DGKB: variants seen among roughly 807,000 people sequenced by gnomAD.
DGKB encodes 90 kDa diacylglycerol kinase.
Under a neutral mutation model 114.3 loss-of-function variants are expected in DGKB, and 67 were observed. That is an observed-to-expected ratio of 0.59 (90% CI 0.48 to 0.72). The LOEUF is 0.72. Among genes scored for constraint, DGKB ranks in the 30% least tolerant of loss-of-function variants. The pLI, the probability that DGKB is intolerant of heterozygous loss-of-function variation, is 0.00. For synonymous variants in DGKB, 398 were observed against 323.1 expected, an observed-to-expected ratio of 1.23 and a Z score of -2.49; for missense variants, 907 against 975.2, an observed-to-expected ratio of 0.93 and a Z score of 0.93.
intron 2 of DGKB, among the ~76,000 whole-genome samples, chr7:14,764,760 G>GA (rs142976961): frequency 0.061 from 8,937 of 146,208 alleles, 374 homozygotes; most frequent in Admixed American, 0.11. Flanking sequence ...TTTTAGGGAA[G>GA]AAAAAAAAAA....
chr7:14,279,298 C>CG (rs903515397), intron 23 of DGKB, among the ~76,000 whole-genome samples: 1 of 152,212 alleles, frequency 6.6e-6, no homozygotes, highest in Non-Finnish European at 1.5e-5. Context: ...GGCAGCCAGG[C>CG]GGGGGGAGGG....
chr7:14,809,924 T>C (rs1244746506), intron 2 of DGKB, among the ~76,000 whole-genome samples: 5 of 152,190 alleles, frequency 3.3e-5, no homozygotes. Flanking sequence ...AAAAATATAT[T>C]TCTGTTGATT....
chr7:14,753,783 C>T lies in DGKB; in HGVS notation c.168+145G>A, dbSNP rs560616703. The stretch of plus-strand genomic sequence containing the variant: ...TTTGTCACATCCAGCTTAGTTATAA[C>T]CTATGAGTATTATAGGCAACCTTGT... On this transcript the variant is annotated intron_variant, in intron 4 of 25. Coordinates refer to ENST00000402815, the MANE Select transcript of DGKB (RefSeq NM_001350709.2). The T allele has an allele frequency of 1.7e-4, 106 of 627,104 alleles. 3 individuals are homozygous for T. Among genetic ancestry groups the T allele is most frequent in the South Asian group, 1.0e-3 (48 of 48,210 alleles). 38.8% of individuals were successfully genotyped at this position (627,104 alleles called of 1,614,324 possible).
At chr7:14,267,181 A>G (rs926796180) in intron 23 of DGKB, among the ~76,000 whole-genome samples, 16 of 152,238 alleles carry the variant, frequency 1.1e-4, no homozygotes, top group Non-Finnish European at 1.8e-4. Context: ...AACAGAAGAC[A>G]AATGCCAATT....
At chr7:14,686,676 A>G (rs1198338662) in intron 9 of DGKB, among the ~76,000 whole-genome samples, 2 of 152,186 alleles carry the variant, frequency 1.3e-5, no homozygotes, top group Non-Finnish European at 2.9e-5. Flanking sequence ...ATAAACCACC[A>G]GATTTGTAAT....
At chr7:14,821,927 G>C (rs1375513958) in intron 2 of DGKB, among the ~76,000 whole-genome samples, 3 of 152,100 alleles carry the variant, frequency 2.0e-5, no homozygotes, top group Non-Finnish European at 2.9e-5. Context: ...TTAGATAGTT[G>C]ACCTGCTGGT....
chr7:14,322,631 A>T (rs1386057196), intron 23 of DGKB, among the ~76,000 whole-genome samples: 2 of 152,308 alleles, frequency 1.3e-5, no homozygotes, highest in East Asian at 3.9e-4. Context: ...TAAAATTAAG[A>T]CATTCTGATG....
chr7:14,855,900 G>A (rs1850073575), intron 1 of DGKB, among the ~76,000 whole-genome samples: 1 of 151,672 alleles, frequency 6.6e-6, no homozygotes, highest in Admixed American at 6.6e-5. Flanking sequence ...TTAACATGAA[G>A]TATGTAGGAC....
chr7:14,451,114 T>C (rs1017669647), intron 21 of DGKB, among the ~76,000 whole-genome samples: 3 of 151,994 alleles, frequency 2.0e-5, no homozygotes, highest in African/African-American at 7.2e-5. Context: ...TTGTGACTAT[T>C]AATATTATAT....
intron 6 of DGKB, among the ~76,000 whole-genome samples, chr7:14,715,807 G>A (rs1394647823): frequency 6.6e-6 from 1 of 152,034 alleles, no homozygotes; most frequent in Non-Finnish European, 1.5e-5. Flanking sequence ...AGCAAAAAGT[G>A]GTTTTGTTAT....
intron 21 of DGKB, among the ~76,000 whole-genome samples, chr7:14,453,324 G>A (rs906222836): frequency 1.8e-4 from 28 of 152,200 alleles, no homozygotes; most frequent in African/African-American, 5.5e-4. Context: ...ATCCGGTTAC[G>A]TGGTTCTGGT....
intron 1 of DGKB, among the ~76,000 whole-genome samples, chr7:14,935,269 G>A (rs958494750): frequency 1.0e-5 from 1 of 100,376 alleles, no homozygotes; most frequent in African/African-American, 7.5e-5. Context: ...TATTTATCAA[G>A]GAGAAAAACA....
At position 14,665,419 on chromosome 7, in the gene DGKB, T is replaced by C. The variant is rs193095723; in HGVS notation, c.1134+7510A>G. Among the ~76,000 whole-genome samples the C allele has an allele frequency of 1.1e-4, 16 of 152,020 alleles. No homozygotes were observed. The East Asian group carries it at 2.1e-3, about 20-fold the overall frequency. On this transcript the variant is annotated intron_variant, in intron 13 of 25. Transcript: ENST00000402815. Reference sequence around the variant, plus strand: ...ATGAGGAAAAATAAGTAATGCATAGTAGGCTTAGTACCTGGGTGATGAAAT... The same window carrying C: ...ATGAGGAAAAATAAGTAATGCATAGCAGGCTTAGTACCTGGGTGATGAAAT...
intron 1 of DGKB, among the ~76,000 whole-genome samples, chr7:14,929,755 G>A (rs1289894454): frequency 2.6e-5 from 4 of 151,936 alleles, no homozygotes; most frequent in Non-Finnish European, 5.9e-5. Context: ...TTTTGTTGTT[G>A]TTGCCTATAA....
intron 21 of DGKB, among the ~76,000 whole-genome samples, chr7:14,474,170 T>G (rs1781827423): frequency 6.6e-6 from 1 of 152,150 alleles, no homozygotes; most frequent in African/African-American, 2.4e-5. Flanking sequence ...GGGAAGGACC[T>G]GGTGGGTGGT....
intron 21 of DGKB, among the ~76,000 whole-genome samples, chr7:14,357,055 A>G (rs1333491474): frequency 6.6e-6 from 1 of 152,216 alleles, no homozygotes; most frequent in Non-Finnish European, 1.5e-5. Context: ...TATGGTGCTG[A>G]GAAGAATGTA....
chr7:14,608,536 GC>G (rs1031317779), intron 16 of DGKB, among the ~76,000 whole-genome samples: 4 of 151,948 alleles, frequency 2.6e-5, no homozygotes, highest in African/African-American at 7.2e-5. Context: ...AACAAAACAT[GC>G]CCACTCTCAC....
At chr7:14,527,764 C>T (rs560814017) in intron 20 of DGKB, among the ~76,000 whole-genome samples, 3 of 152,008 alleles carry the variant, frequency 2.0e-5, no homozygotes, top group Non-Finnish European at 4.4e-5. Flanking sequence ...AATGAAATTA[C>T]ATATTTTAGT....
chr7:14,772,150 A>T (rs1271113493), intron 2 of DGKB, among the ~76,000 whole-genome samples: 1 of 152,068 alleles, frequency 6.6e-6, no homozygotes, highest in Non-Finnish European at 1.5e-5. Flanking sequence ...ATATAAAACC[A>T]AGCTGTACCC....
Sources: allele counts gnomAD v4.1 joint callset (sites outside exome capture counted in the v4.1 genomes callset), GRCh38; gene constraint gnomAD v4.1.1; transcripts MANE v1.5; gene names NCBI Gene and HGNC (gene_info 2026-07-23, HGNC 2026-07-21).